The following SIK3 variants were observed in gnomAD, a reference collection of about 807,000 sequenced individuals.
SIK3 encodes serine/threonine-protein kinase SIK3.
A neutral mutation model predicts 144.2 loss-of-function variants in SIK3; 28 were observed. The ratio of observed to expected loss-of-function variants is 0.19; its 90% CI spans 0.14 to 0.27. The LOEUF (loss-of-function observed/expected upper bound fraction) is 0.27, where lower values mean the gene tolerates loss of function less well. Ranked by LOEUF, SIK3 falls within the 10% of genes least tolerant of loss-of-function variation. The pLI is 1.00. For synonymous variants in SIK3, 686 were observed against 676.3 expected (o/e 1.01, Z -0.22); for missense variants, 1,319 against 1,776.0 (o/e 0.74, Z 4.62).
intron 4 of SIK3, among the ~76,000 whole-genome samples, chr11:116,911,565 C>T (rs1188500738): frequency 1.3e-5 from 2 of 151,628 alleles, no homozygotes; most frequent in African/African-American, 4.8e-5. Context: ...ATTGTAAATA[C>T]ACTGATTATA....
At chr11:117,046,616 C>T (rs1265828643) in intron 1 of SIK3, among the ~76,000 whole-genome samples, 4 of 152,148 alleles carry the variant, frequency 2.6e-5, no homozygotes, top group Non-Finnish European at 4.4e-5. Flanking sequence ...AAGTGGCTCA[C>T]GCCCATAATC....
intron 3 of SIK3, among the ~76,000 whole-genome samples, chr11:116,950,905 C>G (rs1257502000): frequency 6.6e-6 from 1 of 152,178 alleles, no homozygotes; most frequent in Non-Finnish European, 1.5e-5. Context: ...ACTCTTAGGA[C>G]GATTTCCAGA....
chr11:117,058,679 G>T (rs1953656285), intron 1 of SIK3, among the ~76,000 whole-genome samples: 1 of 152,178 alleles, frequency 6.6e-6, no homozygotes, highest in Non-Finnish European at 1.5e-5. Flanking sequence ...GGAAAATGTG[G>T]AAAGATTTAG....
intron 1 of SIK3, among the ~76,000 whole-genome samples, chr11:116,967,003 CA>C (rs780692335): frequency 4.0e-5 from 4 of 100,138 alleles, no homozygotes; most frequent in African/African-American, 4.8e-5. Flanking sequence ...GACTCTGTTT[CA>C]AAAAAAAAAA....
chr11:117,001,529 G>GT (rs1009628243), intron 1 of SIK3, among the ~76,000 whole-genome samples: 5 of 151,402 alleles, frequency 3.3e-5, no homozygotes, highest in African/African-American at 1.2e-4. Flanking sequence ...TTAAAATAAA[G>GT]TAATTTGAGC....
chr11:116,941,076 G>A (rs998220252), intron 3 of SIK3, among the ~76,000 whole-genome samples: 7 of 151,994 alleles, frequency 4.6e-5, no homozygotes, highest in African/African-American at 9.6e-5. Context: ...GCGCAATCTC[G>A]GCTCACTGCA....
chr11:116,948,795 T>C (rs974519107), intron 3 of SIK3, among the ~76,000 whole-genome samples: 1 of 151,982 alleles, frequency 6.6e-6, no homozygotes, highest in African/African-American at 2.4e-5. Flanking sequence ...TTTATTTCCT[T>C]CTTTCTGCTT....
intron 3 of SIK3, among the ~76,000 whole-genome samples, chr11:116,941,874 A>T (rs1301050313): frequency 6.6e-6 from 1 of 152,198 alleles, no homozygotes; most frequent in Non-Finnish European, 1.5e-5. Context: ...GTTTTAAATT[A>T]TAAATTTAGT....
chr11:117,051,188 C>T (rs112839012), intron 1 of SIK3, among the ~76,000 whole-genome samples: 5,751 of 152,302 alleles, frequency 0.038, 328 homozygotes, highest in African/African-American at 0.13. Context: ...TTCTCCCACT[C>T]TTGGACATCA....
At chr11:117,088,597 T>C (rs1051712082) in intron 1 of SIK3, among the ~76,000 whole-genome samples, 2 of 152,208 alleles carry the variant, frequency 1.3e-5, no homozygotes, top group African/African-American at 4.8e-5. Flanking sequence ...AGATTAAAAT[T>C]CCGGCCCCCA....
At chr11:116,970,502 T>C (rs919992398) in intron 1 of SIK3, among the ~76,000 whole-genome samples, 1 of 152,192 alleles carries the variant, frequency 6.6e-6, no homozygotes. Flanking sequence ...TCTTTTATTT[T>C]CTCTTATCTG....
chr11:116,851,127 A>G (rs543152278), intron 21 of SIK3, among the ~76,000 whole-genome samples: 31 of 152,354 alleles, frequency 2.0e-4, no homozygotes, highest in African/African-American at 7.5e-4. Context: ...TTGATCAAGG[A>G]TAGTCAAGAA....
intron 4 of SIK3, among the ~76,000 whole-genome samples, chr11:116,911,281 G>A (rs1946330081): frequency 6.6e-6 from 1 of 152,228 alleles, no homozygotes; most frequent in African/African-American, 2.4e-5. Flanking sequence ...GCCGAGGCAG[G>A]TGGATCACCT....
At chr11:116,964,324 T>C (rs539012883) in intron 1 of SIK3, among the ~76,000 whole-genome samples, 1 of 152,326 alleles carries the variant, frequency 6.6e-6, no homozygotes, top group South Asian at 2.1e-4. Context: ...TTGAAGTCTA[T>C]ATTTCAGCTT....
chr11:117,086,648 G>A (rs942908105), intron 1 of SIK3, among the ~76,000 whole-genome samples: 7 of 150,872 alleles, frequency 4.6e-5, no homozygotes, highest in Admixed American at 1.3e-4. Context: ...CAGAGACTGC[G>A]CCACTGCACT....
chr11:116,858,665 C>A lies in SIK3; in HGVS notation c.2800G>T (p.Asp934Tyr), dbSNP rs758499857. The A allele has an allele frequency of 6.4e-7, 1 of 1,565,116 alleles. No individual in the cohort carries two copies. The highest frequency in any genetic ancestry group is 1.2e-5 in the South Asian group (1 of 83,062). Reference sequence around the variant, plus strand: ...AGATGGGGGTGTAAATGCGCCTGGTCGTAGTTAGCAGGGGAGAACCGATTC... The same window carrying A: ...AGATGGGGGTGTAAATGCGCCTGGTAGTAGTTAGCAGGGGAGAACCGATTC... ...NVNRFSPANY[D>Y]QAHLHPHLFS... Residue 934 changes from aspartate to tyrosine, a missense_variant, in exon 21 of 25, where the codon GAC becomes TAC. This residue lies in a region of SIK3 where 646 missense variants were observed against 763.7 expected (regional missense o/e 0.85). Coordinates refer to ENST00000445177, the MANE Select transcript of SIK3 (RefSeq NM_001366686.3). This position sits in a 1 kb window ranked among gnomAD's most constrained non-coding sequence, Gnocchi z 5.4.
chr11:116,973,440 G>C (rs375179812), intron 1 of SIK3, among the ~76,000 whole-genome samples: 1 of 152,218 alleles, frequency 6.6e-6, no homozygotes, highest in African/African-American at 2.4e-5. Flanking sequence ...TACTTGTAGA[G>C]ATTCCAGCAA....
At chr11:117,062,297 C>T (rs978364191) in intron 1 of SIK3, among the ~76,000 whole-genome samples, 30 of 152,132 alleles carry the variant, frequency 2.0e-4, no homozygotes, top group Non-Finnish European at 3.2e-4. Flanking sequence ...GATTTTCCCT[C>T]GAAAATTACT....
rs1305944943 is a variant in SIK3 at position 117,098,179 on chromosome 11, C to G, written c.237G>C (p.Val79=). 6.6e-7 allele frequency: 1 copy of G among 1,521,528 alleles called. No individual in the cohort carries two copies. The highest frequency in any genetic ancestry group is 1.8e-5 in the Admixed American group (1 of 54,172). 94.3% of individuals were successfully genotyped at this position (1,521,528 alleles called of 1,614,324 possible). Residue 79 remains valine, a synonymous_variant, in exon 1 of 25, where the codon GTG becomes GTC. Transcript: ENST00000445177. ...TGACGAGGTGCGTGGCCCGCTTGACCACCGCGAAGTTGCCCTTGCCGATGG... is the reference window on the plus strand; with the variant it reads ...TGACGAGGTGCGTGGCCCGCTTGACGACCGCGAAGTTGCCCTTGCCGATGG... ...DRTIGKGNFA[V]VKRATHLVTK...
Sources: gnomAD v4.1 joint callset for allele counts (sites outside exome capture counted in the v4.1 genomes callset) on GRCh38, gnomAD v4.1.1 for gene constraint, gnomAD v4.1.1 regional missense constraint, Gnocchi (gnomAD v3.1) non-coding constraint, MANE v1.5 for transcripts, NCBI Gene and HGNC (gene_info 2026-07-23, HGNC 2026-07-21) for gene names.